Variants in GPT2 observed in about 807,000 individuals in gnomAD.
GPT2 encodes the protein glutamic--pyruvic transaminase 2, also known as alanine aminotransferase 2.
In GPT2, 30 loss-of-function variants were observed where a neutral mutation model predicts 56.9. The ratio of observed to expected loss-of-function variants is 0.53; its 90% CI spans 0.39 to 0.72. The LOEUF (loss-of-function observed/expected upper bound fraction) is 0.72, where lower values mean the gene tolerates loss of function less well. Ranked by LOEUF, GPT2 falls within the 30% of genes least tolerant of loss-of-function variation. The pLI is 0.00. For missense variants in GPT2, 542 were observed against 703.4 expected (o/e 0.77, Z 2.60); for synonymous variants, 271 against 283.1 (o/e 0.96, Z 0.43).
chr16:46,927,130 A>C, intron 11 of GPT2, 93 bp downstream of exon 11: 1 of 717,966 alleles, frequency 1.4e-6, no homozygotes. Context: ...CTTCAAAGAG[A>C]GAGGTGCGGA....
rs182221006 is a variant in GPT2, at chr16:46,908,569, A to C, written c.577-1115A>C. ...TTGTTGAGTGCTTTTTTCCTTTCCC[A>C]AAGCCTTTCTTACACGTTAAGCTCT... On this transcript the variant is annotated intron_variant, in intron 5 of 11. Coordinates refer to ENST00000340124, the MANE Select transcript of GPT2 (RefSeq NM_133443.4). Among the ~76,000 whole-genome samples, 4 of 152,200 alleles carry C rather than the reference A, an allele frequency of 2.6e-5. No individual in the cohort carries two copies. In the East Asian group the frequency reaches 7.7e-4, roughly 29 times the overall value.
At chr16:46,916,386 AC>A (rs1204683262) in intron 6 of GPT2, 3 of 427,766 alleles carry the variant, frequency 7.0e-6, no homozygotes, top group South Asian at 4.9e-5. Context: ...CCAGGTGAGA[AC>A]CCCTTCTCCC....
intron 8 of GPT2, 51 bp downstream of exon 8, chr16:46,918,808 C>T (rs372470530): frequency 1.6e-4 from 251 of 1,602,198 alleles, no homozygotes; most frequent in Middle Eastern, 5.0e-4. Context: ...CAGATCCTCA[C>T]GCTGCCGGCT....
chr16:46,921,442 T>C (rs1961284890), intron 8 of GPT2, among the ~76,000 whole-genome samples: 1 of 152,022 alleles, frequency 6.6e-6, no homozygotes, highest in Non-Finnish European at 1.5e-5. Flanking sequence ...CAAAGTGCTG[T>C]GATTACAGGA....
chr16:46,894,955 G>A (rs908751678), intron 2 of GPT2, among the ~76,000 whole-genome samples: 1 of 151,960 alleles, frequency 6.6e-6, no homozygotes, highest in Admixed American at 6.6e-5. Flanking sequence ...GTGAGCCACC[G>A]CACCTGGCCG....
intron 3 of GPT2, 74 bp downstream of exon 3, chr16:46,897,811 C>A: frequency 7.8e-7 from 1 of 1,283,546 alleles, no homozygotes; most frequent in Non-Finnish European, 1.1e-6. Context: ...AGGGGCCGTC[C>A]TCTGCCCCCT....
chr16:46,891,039 A>C (rs1291488193), intron 2 of GPT2, among the ~76,000 whole-genome samples: 2 of 151,750 alleles, frequency 1.3e-5, no homozygotes, highest in Non-Finnish European at 2.9e-5. Flanking sequence ...ACACCCAGCT[A>C]ATTTTGTATT....
intron 6 of GPT2, among the ~76,000 whole-genome samples, chr16:46,914,494 G>A (rs577367571): frequency 6.6e-6 from 1 of 152,324 alleles, no homozygotes; most frequent in South Asian, 2.1e-4. Context: ...CTGAGATTGT[G>A]CCACTGCACT....
chr16:46,893,671 G>T (rs369779276), intron 2 of GPT2, among the ~76,000 whole-genome samples: 2 of 152,320 alleles, frequency 1.3e-5, no homozygotes, highest in South Asian at 4.1e-4. Context: ...GAGCTGGGGG[G>T]TTGGTGCCCT....
intron 5 of GPT2, among the ~76,000 whole-genome samples, chr16:46,907,922 T>C (rs1015260731): frequency 6.6e-6 from 1 of 151,948 alleles, no homozygotes; most frequent in Non-Finnish European, 1.5e-5. Context: ...GTGGAGTTAC[T>C]TGCAGTGGAG....
intron 7 of GPT2, among the ~76,000 whole-genome samples, chr16:46,917,780 A>G (rs920664662): frequency 6.6e-6 from 1 of 152,128 alleles, no homozygotes; most frequent in African/African-American, 2.4e-5. Flanking sequence ...ACACACATAC[A>G]TACACACACA....
intron 10 of GPT2, among the ~76,000 whole-genome samples, chr16:46,925,763 A>G (rs1359777582): frequency 6.6e-6 from 1 of 152,100 alleles, no homozygotes; most frequent in Admixed American, 6.6e-5. Context: ...GGTTGCGGCT[A>G]CAGTGAGCTG....
chr16:46,926,767 C>CA (rs1315792589), intron 10 of GPT2, among the ~76,000 whole-genome samples, 158 bp from the exon 11 acceptor site: 3 of 152,254 alleles, frequency 2.0e-5, no homozygotes, highest in African/African-American at 7.2e-5. Flanking sequence ...CAGCCACCAG[C>CA]AGTATCCCAG....
chr16:46,927,081 C>T lies in GPT2; in HGVS notation c.1481+44C>T, dbSNP rs200492674. The T allele has an allele frequency of 1.3e-5, 16 of 1,264,610 alleles. No homozygotes were observed. In the East Asian group the frequency reaches 3.6e-4, roughly 28 times the overall value. The allele number at this position is 1,264,610 out of a possible 1,614,324, so 78.3% of individuals were successfully genotyped here. A position where few individuals can be genotyped will look rare whatever the true frequency, so the allele number is the denominator to read the frequency against. ...ACTAGGGGCTGGTCCGGGTCTTGTC[C>T]AGGGAAATGTGGACTTCTTGACATG... On this transcript the variant is annotated intron_variant, in intron 11 of 11. Coordinates refer to ENST00000340124, the MANE Select transcript of GPT2 (RefSeq NM_133443.4).
Position 46,898,967 on chromosome 16 carries a change from CACACACACATAT to C in GPT2, c.333+1232_333+1243del, listed in dbSNP as rs1567335068. 3.8e-3 allele frequency among the ~76,000 whole-genome samples: 48 copies of C among 12,778 alleles called. 1 individual carries two copies. The South Asian group carries it at 0.045, about 12-fold the overall frequency. 8.4% of individuals were successfully genotyped at this position (12,778 alleles called of 152,430 possible). A position where few individuals can be genotyped will look rare whatever the true frequency, so the allele number is the denominator to read the frequency against. ...ACACACATATATGTGTATATATATA[CACACACACATAT>C]ATATATATATATAACACACATATAT... On this transcript the variant is annotated intron_variant, in intron 3 of 11. Transcript: ENST00000340124.
In GPT2 at chr16:46,906,272, A is replaced by G. The variant is rs111503812; in HGVS notation, c.443-570A>G. On this transcript the variant is annotated intron_variant, in intron 4 of 11. Transcript: ENST00000340124. ...TTTTTTGTAGAGCTGAGGTTTCACCACATTGACCAGGCTTGTCTCAAACTC... is the reference window on the plus strand; with the variant it reads ...TTTTTTGTAGAGCTGAGGTTTCACCGCATTGACCAGGCTTGTCTCAAACTC... Among the ~76,000 whole-genome samples, 1,080 of 152,228 alleles carry G rather than the reference A, an allele frequency of 7.1e-3. 6 individuals carry two copies. Among genetic ancestry groups the G allele is most frequent in the Non-Finnish European group, 0.012 (837 of 68,006 alleles).
intron 2 of GPT2, among the ~76,000 whole-genome samples, chr16:46,892,310 C>G (rs1304390239): frequency 6.6e-6 from 1 of 152,044 alleles, no homozygotes; most frequent in Non-Finnish European, 1.5e-5. Flanking sequence ...TGTATATGTA[C>G]CATATCTTTA....
intron 7 of GPT2, among the ~76,000 whole-genome samples, chr16:46,917,883 C>T (rs1356827522): frequency 6.6e-6 from 1 of 152,136 alleles, no homozygotes; most frequent in Non-Finnish European, 1.5e-5. Flanking sequence ...CCATGGGTTT[C>T]CTCACAACCT....
chr16:46,927,328 G>A (rs561303180), intron 11 of GPT2, among the ~76,000 whole-genome samples: 28 of 152,250 alleles, frequency 1.8e-4, no homozygotes, highest in African/African-American at 5.8e-4. Context: ...TTCCTAGTAG[G>A]GTGTTTTCTT....
Sources: gnomAD v4.1 joint callset for allele counts (sites outside exome capture counted in the v4.1 genomes callset) on GRCh38, gnomAD v4.1.1 for gene constraint, MANE v1.5 for transcripts, NCBI Gene and HGNC (gene_info 2026-07-23, HGNC 2026-07-21) for gene names.